Variants in NACA observed in about 807,000 individuals in gnomAD.
NACA encodes the protein nascent polypeptide associated complex subunit alpha, also known as nascent polypeptide-associated complex subunit alpha.
Under a neutral mutation model 86.4 loss-of-function variants are expected in NACA, and 42 were observed. The ratio of observed to expected loss-of-function variants is 0.49; its 90% confidence interval spans 0.38 to 0.63. The LOEUF is 0.63. Among genes scored for constraint, NACA ranks in the 20% least tolerant of loss-of-function variants. The probability of loss-of-function intolerance (pLI) is 0.00; values close to 1 mark genes in which losing one functional copy is unlikely to be tolerated. For missense variants in NACA, 2,157 were observed against 2,483.6 expected, an observed-to-expected ratio of 0.87 and a Z score of 2.80; for synonymous variants, 898 against 973.7, an observed-to-expected ratio of 0.92 and a Z score of 1.45.
In NACA at chr12:56,713,096, G is replaced by A. The variant is rs779325302; in HGVS notation, c.6065C>T (p.Thr2022Ile). ...AVSNIQENTQ[T>I]PTVQEESEEE... is the part of the protein sequence containing the mutation. ...TTCACTCTCCTCTTGTACAGTTGGAGTCTGTGTGTTTTCTTGAATGTTTGA... is the reference window on the plus strand; with the variant it reads ...TTCACTCTCCTCTTGTACAGTTGGAATCTGTGTGTTTTCTTGAATGTTTGA... The change falls in exon 7 of 9, where the codon ACT becomes ATT. Residue 2022 changes from threonine to isoleucine, a missense_variant. By Grantham distance (89) the Thr-to-Ile change is moderately conservative. Around this residue, in one of 8 missense-constraint regions of NACA, gnomAD observed 81 missense variants for 200.6 expected, o/e 0.40. Coordinates refer to ENST00000454682, the MANE Select transcript of NACA (RefSeq NM_001365896.1). The A allele has an allele frequency of 1.2e-6, 2 of 1,613,984 alleles. No individual in the cohort carries two copies. The highest frequency in any genetic ancestry group is 1.7e-5 in the Admixed American group (1 of 60,016).
intron 1 of NACA, chr12:56,724,791 C>T: frequency 2.1e-6 from 1 of 465,918 alleles, no homozygotes. Context: ...AGACTTCAGA[C>T]GCTACTGTGA....
chr12:56,713,132 C>T lies in NACA; in HGVS notation c.6029G>A (p.Gly2010Asp). 1 of 1,614,056 alleles carries T rather than the reference C, an allele frequency of 6.2e-7. No individual in the cohort carries two copies. Among genetic ancestry groups the T allele is most frequent in the African/African-American group, 1.3e-5 (1 of 75,052 alleles). Reference protein sequence around the residue: ...LAAAEKFKVQGEAVSNIQENT... With the variant: ...LAAAEKFKVQDEAVSNIQENT... ...TTCTTGAATGTTTGAGACAGCTTCACCTTGAACTTTGAATTTCTCAGCAGC... is the reference window on the plus strand; with the variant it reads ...TTCTTGAATGTTTGAGACAGCTTCATCTTGAACTTTGAATTTCTCAGCAGC... The change falls in exon 7 of 9, where the codon GGT (glycine) becomes GAT (aspartate). Residue 2010 changes from glycine (G) to aspartate (D), a missense_variant. Gly to Asp is a moderately conservative substitution (Grantham distance 94). Coordinates refer to ENST00000454682, the MANE Select transcript of NACA (RefSeq NM_001365896.1).
intron 3 of NACA, among the ~76,000 whole-genome samples, chr12:56,714,982 T>C (rs759703249): frequency 6.6e-6 from 1 of 152,180 alleles, no homozygotes; most frequent in African/African-American, 2.4e-5. Flanking sequence ...CTTTGTTTCT[T>C]GGCACAGGCA....
chr12:56,713,923 T>C, intron 5 of NACA: 1 of 466,020 alleles, frequency 2.1e-6, no homozygotes, highest in Non-Finnish European at 3.8e-6. Flanking sequence ...CTCAATGTAA[T>C]GTCCGTCTCC....
chr12:56,713,955 C>T, intron 5 of NACA: 1 of 421,640 alleles, frequency 2.4e-6, no homozygotes, highest in Non-Finnish European at 4.3e-6. Context: ...AATTGCCGTG[C>T]CTCAGCCACC....
chr12:56,718,777 G>A lies in NACA; in HGVS notation c.2753C>T (p.Pro918Leu), dbSNP rs904657565. ...APALSMTSSS[P>L]KKARATPAPK... ...GGCTGGAGTTGCTCGGGCCTTTTTG[G>A]GGGAGGAAGAAGTCATGGATAGAGC... The change falls in exon 3 of 9, where the codon CCC (proline) becomes CTC (leucine). Residue 918 changes from proline (P) to leucine (L), a missense_variant. Transcript: ENST00000454682. 1.4e-6 allele frequency: 2 copies of A among 1,445,966 alleles called. No homozygotes were observed. Among genetic ancestry groups the A allele is most frequent in the East Asian group, 3.0e-5 (1 of 33,360 alleles). The allele number at this position is 1,445,966 out of a possible 1,614,324, so 89.6% of individuals were successfully genotyped here.
In NACA at chr12:56,717,009, A is replaced by T. The variant is rs372503104; in HGVS notation, c.4521T>A (p.Ala1507=). 85 of 1,266,546 alleles carry T rather than the reference A, an allele frequency of 6.7e-5. No homozygotes were observed. In the East Asian group the frequency reaches 1.2e-3, roughly 18 times the overall value. The allele number at this position is 1,266,546 out of a possible 1,614,324, so 78.5% of individuals were successfully genotyped here. A position where few individuals can be genotyped will look rare whatever the true frequency, so the allele number is the denominator to read the frequency against. The change falls in exon 3 of 9, where the codon GCT becomes GCA. Residue 1507 remains alanine (A), a synonymous_variant. Transcript: ENST00000454682. ...CCTCTTTGGGGGAAGAAGGAATCAC[A>T]GCTGGCAGAGTGGGGGCCCCCATGG... ...PAPMGAPTLP[A]VIPSSPKEVP...
chr12:56,720,877 G>C lies in NACA; in HGVS notation c.653C>G (p.Thr218Ser), dbSNP rs1953554186. 1 of 1,613,886 alleles carries C rather than the reference G, an allele frequency of 6.2e-7. No homozygotes were observed. The highest frequency in any genetic ancestry group is 1.3e-5 in the African/African-American group (1 of 74,916). ...IVSTVPYHCV[T>S]PMASIQSGVA... ...TCCAGATTGAATAGAGGCCATGGGA[G>C]TCACACAGTGGTAAGGAACAGTACT... Residue 218 changes from threonine to serine, a missense_variant, in exon 3 of 9, where the codon ACT becomes AGT. Transcript: ENST00000454682.
intron 8 of NACA, 53 bp downstream of exon 8, chr12:56,712,733 C>T: frequency 1.9e-6 from 3 of 1,610,864 alleles, no homozygotes; most frequent in East Asian, 4.5e-5. Flanking sequence ...AATAAAGTCA[C>T]TCATAATTGG....
intron 1 of NACA, chr12:56,725,002 C>A: frequency 6.4e-6 from 1 of 155,176 alleles, no homozygotes; most frequent in Middle Eastern, 3.3e-3. Flanking sequence ...AAACAAGACG[C>A]ACTCCTCTTC....
chr12:56,713,820 T>G (rs1011066869), intron 5 of NACA, 137 bp from the exon 6 acceptor site: 5 of 870,648 alleles, frequency 5.7e-6, no homozygotes, highest in Non-Finnish European at 7.1e-6. Context: ...GAATGGGTTT[T>G]CTGCCGTAGT....
In NACA at chr12:56,712,908, C is replaced by T. The variant is rs1180352835; in HGVS notation, c.6100G>A (p.Val2034Ile). Residue 2034 changes from valine to isoleucine, a missense_variant and splice_region_variant, in exon 8 of 9, where the codon GTC becomes ATC. Physicochemically the swap from Val to Ile is conservative, Grantham distance 29 (BLOSUM62 3). Around this residue, in one of 8 missense-constraint regions of NACA, gnomAD observed 81 missense variants for 200.6 expected, o/e 0.40. Transcript: ENST00000454682. ...TTAACTTCTACACCTGTTTCATCGA[C>T]CTGAGAGATGAGAGGGAAAAAGCAG... The part of the protein sequence containing the change: ...TVQEESEEEE[V>I]DETGVEVKDI... 1 of 1,614,140 alleles carries T rather than the reference C, an allele frequency of 6.2e-7. No individual in the cohort carries two copies. The highest frequency in any genetic ancestry group is 8.5e-7 in the Non-Finnish European group (1 of 1,180,028).
Position 56,721,215 on chromosome 12 carries a change from G to A in NACA, c.315C>T (p.Asn105=). ...TAPEAPTFLP[N]LIGPPISPAA... is the part of the protein sequence containing the mutation. ...CTGGGGAGATGGGAGGCCCTATTAGGTTTGGTAGGAAGGTTGGGGCTTCAG... is the reference window on the plus strand; with the variant it reads ...CTGGGGAGATGGGAGGCCCTATTAGATTTGGTAGGAAGGTTGGGGCTTCAG... Residue 105 remains asparagine (N), a synonymous_variant, in exon 3 of 9, where the codon AAC becomes AAT. Transcript: ENST00000454682. 6.2e-7 allele frequency: 1 copy of A among 1,613,882 alleles called. No homozygotes were observed. Among genetic ancestry groups the A allele is most frequent in the Non-Finnish European group, 8.5e-7 (1 of 1,179,846 alleles).
Position 56,716,434 on chromosome 12 carries a change from G to A in NACA, c.5096C>T (p.Pro1699Leu). 6.3e-7 allele frequency: 1 copy of A among 1,587,542 alleles called. No individual in the cohort carries two copies. Among genetic ancestry groups the A allele is most frequent in the East Asian group, 2.3e-5 (1 of 42,812 alleles). Reference protein sequence around the residue: ...APESTPIITAPTRKGPQTKKS... With the variant: ...APESTPIITALTRKGPQTKKS... ...TTTGGTCTGTGGACCTTTCCGAGTG[G>A]GAGCTGTGATGATTGGCGTGCTTTC... Residue 1699 changes from proline (P) to leucine (L), a missense_variant, in exon 3 of 9, where the codon CCC (proline) becomes CTC (leucine). Coordinates refer to ENST00000454682, the MANE Select transcript of NACA (RefSeq NM_001365896.1).
Position 56,716,204 on chromosome 12 carries a change from CT to C in NACA, c.5325del (p.Ala1776LeufsTer68). The C allele has an allele frequency of 6.2e-7, 1 of 1,613,688 alleles. No homozygotes were observed. Among genetic ancestry groups the C allele is most frequent in the Non-Finnish European group, 8.5e-7 (1 of 1,179,874 alleles). On this transcript the variant is annotated frameshift_variant, in exon 3 of 9. Coordinates refer to ENST00000454682, the MANE Select transcript of NACA (RefSeq NM_001365896.1). LOFTEE classifies it high-confidence loss of function. ...TTAGGAAGGACCTTCTCAAAGGCAG[CT>C]GCTGTTAGAGGGGTGGACGCCTTAG... ...PESKASTPLT[A>X]AAFEKVLPKP...
intron 8 of NACA, 60 bp downstream of exon 8, chr12:56,712,726 A>C: frequency 6.2e-7 from 1 of 1,609,358 alleles, no homozygotes; most frequent in Non-Finnish European, 8.5e-7. Context: ...AAGACAAAAT[A>C]AAGTCACTCA....
Position 56,719,541 on chromosome 12 carries a change from G to A in NACA, c.1989C>T (p.Ala663=). The A allele has an allele frequency of 6.2e-7, 1 of 1,613,888 alleles. No homozygotes were observed. The highest frequency in any genetic ancestry group is 8.5e-7 in the Non-Finnish European group (1 of 1,179,862). The change falls in exon 3 of 9, where the codon GCC becomes GCT. Residue 663 remains alanine (A), a synonymous_variant. Transcript: ENST00000454682. ...TAGTTGTATAAGTTGAGGTACCTTT[G>A]GCAGTTGTGGGAGCCACCCCGGCAG... is the stretch of plus-strand genomic sequence containing the variant. ...ADPAGVAPTT[A]KGTSTYTTTA...
chr12:56,714,321 A>G (rs1953290317), intron 5 of NACA, 41 bp downstream of exon 5: 1 of 1,592,970 alleles, frequency 6.3e-7, no homozygotes, highest in South Asian at 1.1e-5. Flanking sequence ...ACTCTGTATA[A>G]AGGTGCTTCA....
Position 56,713,558 on chromosome 12 carries a change from G to GT in NACA, c.5948dup (p.Tyr1983Ter). 1 of 1,613,962 alleles carries GT rather than the reference G, an allele frequency of 6.2e-7. No individual in the cohort carries two copies. The highest frequency in any genetic ancestry group is 8.5e-7 in the Non-Finnish European group (1 of 1,179,850). ...TCACCTTGGCTTCCCCAAAAACTAT[G>GT]TAAGTATCTGAAGCAGGGCTCTTGT... The part of the protein sequence containing the change: ...DVYKSPASDT[Y>*]IVFGEAKIED... Residue 1983 changes from tyrosine to a stop codon, truncating the protein, a stop_gained and frameshift_variant, in exon 6 of 9, where the codon TAC becomes TAAC. Coordinates refer to ENST00000454682, the MANE Select transcript of NACA (RefSeq NM_001365896.1). LOFTEE classifies it high-confidence loss of function.
Sources: allele counts gnomAD v4.1 joint callset (sites outside exome capture counted in the v4.1 genomes callset), GRCh38; gene constraint gnomAD v4.1.1; regional missense constraint gnomAD v4.1.1; transcripts MANE v1.5; gene names NCBI Gene and HGNC (gene_info 2026-07-23, HGNC 2026-07-21).